Variants in CPD observed in about 807,000 individuals in gnomAD.
CPD encodes metallocarboxypeptidase D.
In CPD, 69 loss-of-function variants were observed where a neutral mutation model predicts 138.3. That is an observed-to-expected ratio of 0.50 (90% confidence interval 0.41 to 0.61). CPD has a LOEUF of 0.61. Among genes scored for constraint, CPD ranks in the 20% least tolerant of loss-of-function variants. The pLI is 0.00. For synonymous variants in CPD, 651 were observed against 642.1 expected, an observed-to-expected ratio of 1.01 and a Z score of -0.21; for missense variants, 1,432 against 1,733.3, an observed-to-expected ratio of 0.83 and a Z score of 3.09.
chr17:30,446,249 A>G (rs1287636511), intron 12 of CPD, among the ~76,000 whole-genome samples: 1 of 152,016 alleles, frequency 6.6e-6, no homozygotes, highest in African/African-American at 2.4e-5. Flanking sequence ...ATATGTATAC[A>G]TGTGCCATGT....
chr17:30,427,856 A>T (rs1336639491), intron 7 of CPD, among the ~76,000 whole-genome samples: 5 of 117,414 alleles, frequency 4.3e-5, no homozygotes, highest in Middle Eastern at 5.5e-3. Flanking sequence ...CCCTTCTCTT[A>T]CCTCCTCTCC....
intron 7 of CPD, among the ~76,000 whole-genome samples, chr17:30,428,260 A>C (rs558082431): frequency 6.6e-6 from 1 of 152,332 alleles, no homozygotes; most frequent in African/African-American, 2.4e-5. Flanking sequence ...TGTCCAACTA[A>C]GGTTGCGAAT....
At chr17:30,432,333 A>G (rs764921718) in intron 8 of CPD, among the ~76,000 whole-genome samples, 2 of 152,206 alleles carry the variant, frequency 1.3e-5, no homozygotes, top group Non-Finnish European at 2.9e-5. Flanking sequence ...AATTTACTAT[A>G]TTAACAAACT....
At chr17:30,427,073 T>C (rs1912433400) in intron 6 of CPD, among the ~76,000 whole-genome samples, 1 of 151,964 alleles carries the variant, frequency 6.6e-6, no homozygotes, top group Admixed American at 6.6e-5. Context: ...TTCCAGCTAC[T>C]TGGGAGGCTG....
intron 17 of CPD, 60 bp downstream of exon 17, chr17:30,456,586 A>G (rs1913304550): frequency 6.5e-7 from 1 of 1,546,770 alleles, no homozygotes; most frequent in African/African-American, 1.4e-5. Flanking sequence ...CCGTATGTGT[A>G]AACCCAGTGC....
chr17:30,427,866 C>G (rs1435299392), intron 7 of CPD, among the ~76,000 whole-genome samples: 4 of 151,150 alleles, frequency 2.6e-5, no homozygotes, highest in Non-Finnish European at 5.9e-5. Flanking sequence ...ACCTCCTCTC[C>G]CCTTTCTTCT....
chr17:30,395,538 A>C (rs537662457), intron 2 of CPD, among the ~76,000 whole-genome samples: 10 of 152,264 alleles, frequency 6.6e-5, no homozygotes, highest in Admixed American at 3.3e-4. Flanking sequence ...TAGTATAAAG[A>C]CTGACCTTTA....
intron 2 of CPD, among the ~76,000 whole-genome samples, chr17:30,418,125 A>C (rs1181355207): frequency 6.6e-6 from 1 of 152,142 alleles, no homozygotes; most frequent in Non-Finnish European, 1.5e-5. Flanking sequence ...ATCTTCCCTC[A>C]ACTCCAAAAT....
At chr17:30,389,052 C>G (rs908543446) in intron 2 of CPD, among the ~76,000 whole-genome samples, 1 of 152,232 alleles carries the variant, frequency 6.6e-6, no homozygotes, top group Non-Finnish European at 1.5e-5. Flanking sequence ...AGCACAGCCC[C>G]AGCTCCGCAT....
chr17:30,457,535 T>C (rs542523646), intron 17 of CPD, among the ~76,000 whole-genome samples: 4 of 152,324 alleles, frequency 2.6e-5, no homozygotes, highest in African/African-American at 9.6e-5. Context: ...ATATTGTAAG[T>C]CTATGTTTCA....
At chr17:30,442,547 T>C (rs1346873135) in intron 10 of CPD, 97 bp downstream of exon 10, 8 of 1,144,888 alleles carry the variant, frequency 7.0e-6, no homozygotes, top group Non-Finnish European at 1.0e-5. Context: ...GAATACACTC[T>C]TTAAAATTTC....
At chr17:30,391,324 G>T (rs77536265) in intron 2 of CPD, among the ~76,000 whole-genome samples, 1 of 152,018 alleles carries the variant, frequency 6.6e-6, no homozygotes, top group African/African-American at 2.4e-5. Context: ...GCTTGTAGTC[G>T]CAGATACTTG....
intron 8 of CPD, among the ~76,000 whole-genome samples, chr17:30,432,759 T>TA (rs576479341): frequency 2.1e-4 from 31 of 148,908 alleles, no homozygotes; most frequent in African/African-American, 4.7e-4. Flanking sequence ...AAATAAAAAA[T>TA]AAAAAAAAAA....
intron 19 of CPD, 73 bp from the exon 20 acceptor site, chr17:30,462,297 G>T: frequency 1.6e-6 from 2 of 1,241,550 alleles, no homozygotes; most frequent in South Asian, 1.3e-5. Flanking sequence ...GCTATATGGG[G>T]CCTAATAATA....
chr17:30,379,860 C>G lies in CPD; in HGVS notation c.746+134C>G, dbSNP rs912211230. The G allele has an allele frequency of 3.4e-6, 2 of 590,168 alleles. No homozygotes were observed. The highest frequency in any genetic ancestry group is 3.5e-5 in the East Asian group (1 of 28,840). 36.6% of individuals were successfully genotyped at this position (590,168 alleles called of 1,614,324 possible). On this transcript the variant is annotated intron_variant, in intron 1 of 20. Transcript: ENST00000225719. This position sits in a 1 kb window ranked among gnomAD's most constrained non-coding sequence, Gnocchi z 7.0. ...GAAGGTGAAGGGAGACACCCTGTAA[C>G]GGGGACAGGGCCCAGGCCGCGTAGC...
At chr17:30,414,435 T>C (rs1217642393) in intron 2 of CPD, among the ~76,000 whole-genome samples, 1 of 151,800 alleles carries the variant, frequency 6.6e-6, no homozygotes, top group East Asian at 1.9e-4. Context: ...TACAAAAAAT[T>C]AGCTGGGCAC....
At chr17:30,430,212 A>C (rs1005042293) in intron 7 of CPD, among the ~76,000 whole-genome samples, 6 of 152,102 alleles carry the variant, frequency 3.9e-5, no homozygotes, top group Non-Finnish European at 8.8e-5. Context: ...GTGTTTTGCA[A>C]CCACCCCCTC....
chr17:30,429,761 C>T (rs1652233420), intron 7 of CPD, among the ~76,000 whole-genome samples: 1 of 152,072 alleles, frequency 6.6e-6, no homozygotes, highest in Non-Finnish European at 1.5e-5. Context: ...GGGGTTTAGA[C>T]TTCTAGGGGT....
rs550168427 is a variant in CPD at position 30,380,784 on chromosome 17, G to A, written c.746+1058G>A. The stretch of plus-strand genomic sequence containing the variant: ...AGATGGGCAGGATTTTCAGCAAAAA[G>A]GAGAGGAATAAAATAAGAGGGAACT... On this transcript the variant is annotated intron_variant, in intron 1 of 20. Coordinates refer to ENST00000225719, the MANE Select transcript of CPD (RefSeq NM_001304.5). 5.8e-4 allele frequency: 331 copies of A among 570,734 alleles called. 3 individuals are homozygous for A. Among genetic ancestry groups the A allele is most frequent in the Middle Eastern group, 4.8e-3 (16 of 3,368 alleles). 35.4% of individuals were successfully genotyped at this position (570,734 alleles called of 1,614,324 possible).
Sources: gnomAD v4.1 joint callset for allele counts (sites outside exome capture counted in the v4.1 genomes callset) on GRCh38, gnomAD v4.1.1 for gene constraint, Gnocchi (gnomAD v3.1) non-coding constraint, MANE v1.5 for transcripts, NCBI Gene and HGNC (gene_info 2026-07-23, HGNC 2026-07-21) for gene names.